Variants in CASK observed in about 807,000 individuals in gnomAD.
CASK encodes the protein calcium/calmodulin dependent serine protein kinase, also known as peripheral plasma membrane protein CASK.
A neutral mutation model predicts 82.9 loss-of-function variants in CASK; 4 were observed. The ratio of observed to expected loss-of-function variants is 0.05; its 90% CI spans 0.02 to 0.11. The LOEUF (loss-of-function observed/expected upper bound fraction) is 0.11. Among genes scored for constraint, CASK ranks in the 10% least tolerant of loss-of-function variants. The pLI, the probability that CASK is intolerant of heterozygous loss-of-function variation, is 1.00. For missense variants in CASK, 358 were observed against 720.9 expected (o/e 0.50, Z 5.76); for synonymous variants, 259 against 253.5 (o/e 1.02, Z -0.20).
intron 1 of CASK, among the ~76,000 whole-genome samples, chrX:41,887,340 A>G (rs2072068054): frequency 9.5e-6 from 1 of 104,889 alleles, no homozygotes; most frequent in Non-Finnish European, 1.9e-5. Context: ...ACACACACAC[A>G]CAGTGTCAAA....
chrX:41,589,760 CA>C (rs2065715411), intron 12 of CASK, 168 bp from the exon 13 acceptor site: 1 of 445,764 alleles, frequency 2.2e-6, no homozygotes, highest in Admixed American at 3.5e-5. Context: ...TGAAACTTGT[CA>C]GAATATGAGT....
intron 8 of CASK, among the ~76,000 whole-genome samples, chrX:41,644,684 T>C (rs1250725575): frequency 8.9e-6 from 1 of 111,854 alleles, no homozygotes; most frequent in East Asian, 2.8e-4. Context: ...CAAAAGCAAA[T>C]GGGAGAAATA....
At chrX:41,663,430 C>CA (rs200664617) in intron 7 of CASK, among the ~76,000 whole-genome samples, 336 of 109,739 alleles carry the variant, frequency 3.1e-3, no homozygotes, top group African/African-American at 0.01. Flanking sequence ...ACCCCAGGTA[C>CA]AAAAAAAAAT....
intron 2 of CASK, among the ~76,000 whole-genome samples, chrX:41,826,980 C>T (rs2070682483): frequency 9.0e-6 from 1 of 111,616 alleles, no homozygotes; most frequent in Admixed American, 9.5e-5. Flanking sequence ...GTTATTAACT[C>T]CTCTTAACTG....
intron 12 of CASK, among the ~76,000 whole-genome samples, chrX:41,604,840 T>G (rs762125589): frequency 8.9e-6 from 1 of 112,475 alleles, no homozygotes; most frequent in South Asian, 3.6e-4. Flanking sequence ...ACCACTTGGA[T>G]AGCAAATATT....
At chrX:41,773,196 C>T (rs1051457149) in intron 3 of CASK, among the ~76,000 whole-genome samples, 2 of 108,499 alleles carry the variant, frequency 1.8e-5, no homozygotes, top group Admixed American at 9.9e-5. Flanking sequence ...CCAGCCTGGG[C>T]AACATGGCAA....
intron 5 of CASK, among the ~76,000 whole-genome samples, chrX:41,695,367 G>A (rs1050973428): frequency 4.9e-5 from 5 of 102,733 alleles, no homozygotes; most frequent in Admixed American, 4.3e-4. Flanking sequence ...CCAGGCTGGA[G>A]TGCAGTGGCT....
intron 3 of CASK, among the ~76,000 whole-genome samples, chrX:41,766,567 G>T (rs1371897431): frequency 9.0e-6 from 1 of 111,280 alleles, no homozygotes; most frequent in Non-Finnish European, 1.9e-5. Flanking sequence ...TTGATTTTGA[G>T]GCAAATCCCG....
chrX:41,646,430 G>T (rs2066759068), intron 8 of CASK, among the ~76,000 whole-genome samples: 1 of 110,854 alleles, frequency 9.0e-6, no homozygotes, highest in South Asian at 3.9e-4. Context: ...CTTATCAGGA[G>T]AATGAGAATC....
intron 5 of CASK, among the ~76,000 whole-genome samples, chrX:41,736,235 C>T (rs2068495175): frequency 8.9e-6 from 1 of 112,466 alleles, no homozygotes; most frequent in African/African-American, 3.2e-5. Flanking sequence ...TGGCTCACGC[C>T]TGTAATCCCA....
At chrX:41,755,938 A>G (rs1424357009) in intron 3 of CASK, among the ~76,000 whole-genome samples, 1 of 112,278 alleles carries the variant, frequency 8.9e-6, no homozygotes, top group African/African-American at 3.2e-5. Flanking sequence ...AGAAGACTCA[A>G]TATTGTAAAC....
chrX:41,798,414 C>T (rs1285631016), intron 2 of CASK, among the ~76,000 whole-genome samples: 1 of 112,781 alleles, frequency 8.9e-6, no homozygotes, highest in Non-Finnish European at 1.9e-5. Flanking sequence ...TTACTGAGTA[C>T]TTACTATGAG....
chrX:41,578,916 G>C (rs947596628), intron 14 of CASK, among the ~76,000 whole-genome samples: 2 of 112,092 alleles, frequency 1.8e-5, no homozygotes, highest in Non-Finnish European at 3.8e-5. Flanking sequence ...ATGATAAATA[G>C]ATTTTTTAAA....
chrX:41,537,742 G>A (rs1249018256), intron 22 of CASK, among the ~76,000 whole-genome samples: 1 of 109,585 alleles, frequency 9.1e-6, no homozygotes, highest in Non-Finnish European at 1.9e-5. Context: ...AGAGAGTGTA[G>A]ACGTGGAAGC....
At chrX:41,742,661 C>T (rs1453583763) in intron 4 of CASK, among the ~76,000 whole-genome samples, 4 of 111,921 alleles carry the variant, frequency 3.6e-5, no homozygotes, top group Non-Finnish European at 7.5e-5. Flanking sequence ...CACTAGAATA[C>T]TGATACAAGC....
rs757563548 is a variant in CASK at position 41,534,954 on chromosome X, A to G, written c.2175T>C (p.Leu725=). 31 of 1,186,093 alleles carry G rather than the reference A, an allele frequency of 2.6e-5. No homozygotes were observed. The Admixed American group carries it at 3.9e-4, about 15-fold the overall frequency. The stretch of plus-strand genomic sequence containing the variant: ...GTTTTACTACTTCTTCATATGTGAC[A>G]AGATCTAATTGATCAAACACTAAAA... ...KHNAVFDQLD[L]VTYEEVVKLP... is the part of the protein sequence containing the mutation. Residue 725 remains leucine (L), a synonymous_variant, in exon 23 of 27, where the codon CTT becomes CTC. Coordinates refer to ENST00000378163, the MANE Select transcript of CASK (RefSeq NM_001367721.1).
At chrX:41,556,321 G>C (rs756369953) in intron 19 of CASK, 7 of 112,670 alleles carry the variant, frequency 6.2e-5, no homozygotes, top group African/African-American at 2.3e-4. Flanking sequence ...AATATTGCCA[G>C]TCTGCACCTG....
At chrX:41,572,512 G>A (rs964384725) in intron 15 of CASK, among the ~76,000 whole-genome samples, 9 of 109,886 alleles carry the variant, frequency 8.2e-5, no homozygotes, top group Admixed American at 6.8e-4. Context: ...ACTTGTCAGT[G>A]TACCTTCAAG....
intron 1 of CASK, among the ~76,000 whole-genome samples, chrX:41,922,374 C>A (rs1238527765): frequency 9.0e-6 from 1 of 111,252 alleles, no homozygotes; most frequent in Non-Finnish European, 1.9e-5. Context: ...ATTCGAATGC[C>A]CCCAACTCTT....
Sources: gnomAD v4.1 joint callset for allele counts (sites outside exome capture counted in the v4.1 genomes callset) on GRCh38, gnomAD v4.1.1 for gene constraint, MANE v1.5 for transcripts, NCBI Gene and HGNC (gene_info 2026-07-23, HGNC 2026-07-21) for gene names.